The following TGM4 variants were observed in gnomAD, a reference collection of about 807,000 sequenced individuals.
TGM4 encodes the protein transglutaminase 4, also known as protein-glutamine gamma-glutamyltransferase 4.
Under a neutral mutation model 76.3 loss-of-function variants are expected in TGM4, and 61 were observed. The observed-to-expected ratio is 0.80, with a 90% CI of 0.65 to 0.99. The LOEUF is 0.99. Among genes scored for constraint, TGM4 ranks in the 50% least tolerant of loss-of-function variants. The pLI is 0.00. For synonymous variants in TGM4, 337 were observed against 329.8 expected (o/e 1.02, Z -0.24); for missense variants, 794 against 843.2 (o/e 0.94, Z 0.72).
chr3:44,890,472 C>A, intron 3 of TGM4, 131 bp from the exon 4 acceptor site: 2 of 1,340,144 alleles, frequency 1.5e-6, no homozygotes, highest in African/African-American at 1.5e-5. Context: ...GGGTCCTGAC[C>A]ATTCCTTGTC....
chr3:44,910,592 G>A (rs1699990314), intron 11 of TGM4, among the ~76,000 whole-genome samples: 2 of 152,188 alleles, frequency 1.3e-5, no homozygotes, highest in Non-Finnish European at 2.9e-5. Context: ...GTCTATCGTA[G>A]AGTTATAAAT....
At chr3:44,899,649 A>G (rs1699826238) in intron 6 of TGM4, 1 of 152,272 alleles carries the variant, frequency 6.6e-6, no homozygotes, top group South Asian at 2.1e-4. Context: ...TCGGCGCAGC[A>G]GTGAGTGCGT....
At chr3:44,910,830 A>G in intron 11 of TGM4, 128 bp from the exon 12 acceptor site, 1 of 1,032,564 alleles carries the variant, frequency 9.7e-7, no homozygotes, top group Non-Finnish European at 1.4e-6. Flanking sequence ...TAAAGAGAGT[A>G]TGGGACATGT....
At chr3:44,891,831 C>G (rs1431006570) in intron 4 of TGM4, among the ~76,000 whole-genome samples, 3 of 151,076 alleles carry the variant, frequency 2.0e-5, no homozygotes, top group African/African-American at 7.3e-5. Flanking sequence ...AAAAATTAGC[C>G]GGGCATGGTG....
At chr3:44,898,521 C>G (rs922839053) in intron 6 of TGM4, among the ~76,000 whole-genome samples, 3 of 152,174 alleles carry the variant, frequency 2.0e-5, no homozygotes, top group Admixed American at 1.3e-4. Flanking sequence ...TTGGAACTCC[C>G]AGGGATCTCC....
intron 8 of TGM4, among the ~76,000 whole-genome samples, chr3:44,902,987 C>T (rs771980660): frequency 2.6e-5 from 4 of 152,156 alleles, no homozygotes; most frequent in African/African-American, 9.7e-5. Flanking sequence ...TTCTAGTTCA[C>T]GTACCAAGAT....
At chr3:44,880,094 TG>T (rs1228644772) in intron 1 of TGM4, among the ~76,000 whole-genome samples, 1 of 152,240 alleles carries the variant, frequency 6.6e-6, no homozygotes, top group Non-Finnish European at 1.5e-5. Context: ...CCACTGTGCC[TG>T]GTCCATAGTC....
chr3:44,903,977 G>A lies in TGM4; in HGVS notation c.1065G>A (p.Glu355=), dbSNP rs1699888789. ...GWQAVDATPQ[E]RSQGVFCCGP... ...AGGCTGTGGACGCAACGCCGCAGGA[G>A]CGAAGCCAGGGTGAGTGGGTGGCAG... Residue 355 remains glutamate (E), a synonymous_variant, in exon 9 of 14, where the codon GAG becomes GAA. Transcript: ENST00000296125. 4 of 1,613,788 alleles carry A rather than the reference G, an allele frequency of 2.5e-6. No individual in the cohort carries two copies. The African/African-American group carries it at 4.0e-5, about 16-fold the overall frequency.
chr3:44,894,968 T>A (rs1699760512), intron 5 of TGM4, among the ~76,000 whole-genome samples: 1 of 151,966 alleles, frequency 6.6e-6, no homozygotes, highest in Non-Finnish European at 1.5e-5. Flanking sequence ...GAAGAAGGAA[T>A]CACCTGAATC....
chr3:44,879,298 T>G (rs1699498591), intron 1 of TGM4, among the ~76,000 whole-genome samples: 1 of 145,366 alleles, frequency 6.9e-6, no homozygotes, highest in Non-Finnish European at 1.5e-5. Context: ...GTTTATTTAA[T>G]TTAATTAATT....
At chr3:44,880,236 T>G (rs1699514071) in intron 1 of TGM4, among the ~76,000 whole-genome samples, 1 of 152,272 alleles carries the variant, frequency 6.6e-6, no homozygotes, top group East Asian at 1.9e-4. Context: ...TGACTTTATC[T>G]GTGGGAATGC....
chr3:44,877,124 G>A (rs1208400107), intron 1 of TGM4, among the ~76,000 whole-genome samples: 1 of 152,002 alleles, frequency 6.6e-6, no homozygotes, highest in Non-Finnish European at 1.5e-5. Flanking sequence ...GGAAAACATA[G>A]TGAGACCCTG....
At chr3:44,890,853 A>T (rs944103747) in intron 4 of TGM4, 121 bp downstream of exon 4, 102 of 1,290,684 alleles carry the variant, frequency 7.9e-5, no homozygotes, top group Non-Finnish European at 1.0e-4. Context: ...AGTTTAAGGG[A>T]TGTGACCCAG....
At chr3:44,882,679 T>C (rs1219911309) in intron 1 of TGM4, among the ~76,000 whole-genome samples, 1 of 152,242 alleles carries the variant, frequency 6.6e-6, no homozygotes, top group Non-Finnish European at 1.5e-5. Flanking sequence ...ATTTAGGTCC[T>C]ACCTGGATAA....
chr3:44,899,418 C>CA (rs1332547982), intron 6 of TGM4: 2 of 152,224 alleles, frequency 1.3e-5, no homozygotes, highest in Non-Finnish European at 2.9e-5. Context: ...GAGTCACTTC[C>CA]AAAATTAGGT....
At chr3:44,908,231 T>C (rs1461049559) in intron 10 of TGM4, among the ~76,000 whole-genome samples, 1 of 152,220 alleles carries the variant, frequency 6.6e-6, no homozygotes, top group Non-Finnish European at 1.5e-5. Context: ...AGTCTCTTTG[T>C]GTTCAGAATG....
At chr3:44,880,972 T>C (rs1699523613) in intron 1 of TGM4, among the ~76,000 whole-genome samples, 1 of 152,084 alleles carries the variant, frequency 6.6e-6, no homozygotes, top group South Asian at 2.1e-4. Context: ...AATTCCAACA[T>C]TTTTGGAGGC....
intron 1 of TGM4, 105 bp downstream of exon 1, chr3:44,874,802 C>T (rs1699427935): frequency 7.1e-7 from 1 of 1,414,250 alleles, no homozygotes; most frequent in Admixed American, 1.9e-5. Flanking sequence ...GCCCTCTCAC[C>T]CTGACTTGTG....
At chr3:44,895,304 A>G (rs1699765182) in intron 5 of TGM4, among the ~76,000 whole-genome samples, 2 of 151,990 alleles carry the variant, frequency 1.3e-5, no homozygotes, top group South Asian at 4.1e-4. Context: ...TGAAAAAGAA[A>G]AAAAGAAAAT....
Sources: gnomAD v4.1 joint callset for allele counts (sites outside exome capture counted in the v4.1 genomes callset) on GRCh38, gnomAD v4.1.1 for gene constraint, MANE v1.5 for transcripts, NCBI Gene and HGNC (gene_info 2026-07-23, HGNC 2026-07-21) for gene names.